The following ANK3 variants were observed in gnomAD, a reference collection of about 807,000 sequenced individuals.
ANK3 encodes ankyrin 3.
In ANK3, 57 loss-of-function variants were observed where a neutral mutation model predicts 370.9. The observed-to-expected ratio is 0.15, with a 90% confidence interval of 0.12 to 0.19. ANK3 has a LOEUF of 0.19. ANK3 is among the 10% of genes least tolerant of loss of function. The pLI, the probability that ANK3 is intolerant of heterozygous loss-of-function variation, is 1.00. For synonymous variants in ANK3, 1,929 were observed against 1,946.3 expected (o/e 0.99, Z 0.23); for missense variants, 4,439 against 5,302.1 (o/e 0.84, Z 5.06).
At chr10:60,636,892 T>C (rs1011317546) in intron 1 of ANK3, among the ~76,000 whole-genome samples, 1 of 152,222 alleles carries the variant, frequency 6.6e-6, no homozygotes, top group Non-Finnish European at 1.5e-5. Context: ...TGAACTTTAC[T>C]ACATTTAAGG....
intron 1 of ANK3, among the ~76,000 whole-genome samples, chr10:60,336,092 G>GT (rs1198435229): frequency 6.8e-6 from 1 of 148,080 alleles, no homozygotes; most frequent in African/African-American, 2.7e-5. Context: ...TAGTTTGGCG[G>GT]GGGGGGGAAG....
intron 7 of ANK3, among the ~76,000 whole-genome samples, chr10:60,240,155 C>T (rs866701005): frequency 3.4e-5 from 4 of 116,630 alleles, no homozygotes; most frequent in Non-Finnish European, 3.5e-5. Flanking sequence ...CATATATATA[C>T]ATATATACAC....
chr10:60,250,588 A>G (rs184809517), intron 7 of ANK3, among the ~76,000 whole-genome samples: 6 of 152,206 alleles, frequency 3.9e-5, no homozygotes, highest in Admixed American at 3.9e-4. Context: ...GATGGTCTCG[A>G]TCTCCTGACC....
intron 1 of ANK3, among the ~76,000 whole-genome samples, chr10:60,728,525 A>G (rs1367293026): frequency 6.6e-6 from 1 of 152,224 alleles, no homozygotes. Flanking sequence ...TCCTAGAAAC[A>G]AGGAAATGTA....
At chr10:60,290,767 G>C (rs1318196853) in intron 1 of ANK3, among the ~76,000 whole-genome samples, 1 of 152,104 alleles carries the variant, frequency 6.6e-6, no homozygotes, top group Non-Finnish European at 1.5e-5. Context: ...AAACCTGCTG[G>C]GGTGTCTGTG....
chr10:60,218,015 C>T (rs2096968905), intron 8 of ANK3, among the ~76,000 whole-genome samples: 1 of 151,686 alleles, frequency 6.6e-6, no homozygotes, highest in Admixed American at 6.6e-5. Flanking sequence ...TAATACCCTT[C>T]TTTTTCTTTT....
chr10:60,174,632 A>C (rs2095876881), intron 18 of ANK3, among the ~76,000 whole-genome samples: 1 of 152,264 alleles, frequency 6.6e-6, no homozygotes, highest in Non-Finnish European at 1.5e-5. Flanking sequence ...TCTAAATATT[A>C]AAAAATTCTT....
intron 1 of ANK3, among the ~76,000 whole-genome samples, chr10:60,620,825 T>C (rs2078326563): frequency 6.6e-6 from 1 of 152,172 alleles, no homozygotes; most frequent in Non-Finnish European, 1.5e-5. Flanking sequence ...AATGGATACC[T>C]TCTCTAATAA....
intron 1 of ANK3, among the ~76,000 whole-genome samples, chr10:60,625,815 T>G (rs16915235): frequency 0.056 from 8,581 of 152,280 alleles, 311 homozygotes; most frequent in African/African-American, 0.098. Flanking sequence ...TTCAAAAGAA[T>G]GCATGGTTCT....
intron 7 of ANK3, among the ~76,000 whole-genome samples, chr10:60,242,594 A>T (rs1385672558): frequency 6.6e-6 from 1 of 151,856 alleles, no homozygotes; most frequent in East Asian, 1.9e-4. Context: ...CCCCACTCTC[A>T]CTCTTCTACA....
At chr10:60,132,467 G>A (rs199868287) in intron 25 of ANK3, among the ~76,000 whole-genome samples, 2 of 124,042 alleles carry the variant, frequency 1.6e-5, no homozygotes, top group Non-Finnish European at 3.4e-5. Flanking sequence ...CTGCCACCAT[G>A]TAAGATGTCT....
At chr10:60,524,345 C>T (rs368475936) in intron 2 of ANK3, among the ~76,000 whole-genome samples, 15 of 152,012 alleles carry the variant, frequency 9.9e-5, no homozygotes, top group Middle Eastern at 3.2e-3. Flanking sequence ...ACCATTGATA[C>T]GGTTTGGCTC....
intron 16 of ANK3, among the ~76,000 whole-genome samples, chr10:60,189,935 T>A (rs554898087): frequency 6.6e-6 from 1 of 152,244 alleles, no homozygotes; most frequent in African/African-American, 2.4e-5. Context: ...TTGCACATTT[T>A]ATGGAAGAGA....
intron 8 of ANK3, among the ~76,000 whole-genome samples, chr10:60,225,812 C>T (rs1337147514): frequency 6.6e-6 from 1 of 151,606 alleles, no homozygotes; most frequent in Non-Finnish European, 1.5e-5. Context: ...GTTTATTGTC[C>T]CTCGTTGCTT....
intron 7 of ANK3, among the ~76,000 whole-genome samples, chr10:60,260,931 G>A (rs2097794299): frequency 6.6e-6 from 1 of 152,152 alleles, no homozygotes; most frequent in Non-Finnish European, 1.5e-5. Flanking sequence ...TTATAGCAAT[G>A]TGAAAACAGA....
At chr10:60,087,886 T>C (rs774547731) in intron 29 of ANK3, among the ~76,000 whole-genome samples, 6 of 152,222 alleles carry the variant, frequency 3.9e-5, no homozygotes, top group Non-Finnish European at 7.3e-5. Flanking sequence ...CTGAGACCAA[T>C]AACCTATGAT....
chr10:60,458,648 A>C (rs568006188), intron 2 of ANK3, among the ~76,000 whole-genome samples: 2 of 152,264 alleles, frequency 1.3e-5, no homozygotes, highest in South Asian at 4.1e-4. Flanking sequence ...ATTTTGGATG[A>C]CTAGATGAGA....
At chr10:60,052,793 A>G (rs2131901294) in intron 42 of ANK3, among the ~76,000 whole-genome samples, 1 of 152,186 alleles carries the variant, frequency 6.6e-6, no homozygotes, top group African/African-American at 2.4e-5. Context: ...CAGAGACAGA[A>G]TTTAGTTAAC....
chr10:60,155,410 C>T (rs2095300036), intron 23 of ANK3, among the ~76,000 whole-genome samples: 1 of 152,132 alleles, frequency 6.6e-6, no homozygotes, highest in Non-Finnish European at 1.5e-5. Context: ...ATCCTCCACC[C>T]CAGCAAGAGG....
Sources: gnomAD v4.1 joint callset for allele counts (sites outside exome capture counted in the v4.1 genomes callset) on GRCh38, gnomAD v4.1.1 for gene constraint, MANE v1.5 for transcripts, NCBI Gene and HGNC (gene_info 2026-07-23, HGNC 2026-07-21) for gene names.